PDE8A: variants seen among roughly 807,000 people sequenced by gnomAD.
PDE8A encodes the protein high affinity cAMP-specific and IBMX-insensitive 3',5'-cyclic phosphodiesterase 8A.
A neutral mutation model predicts 105.0 loss-of-function variants in PDE8A; 59 were observed. The observed-to-expected ratio is 0.56, with a 90% CI of 0.46 to 0.70. The LOEUF (loss-of-function observed/expected upper bound fraction) is 0.70. Among genes scored for constraint, PDE8A ranks in the 30% least tolerant of loss-of-function variants. The probability of loss-of-function intolerance (pLI) is 0.00; values close to 1 mark genes in which losing one functional copy is unlikely to be tolerated. For synonymous variants in PDE8A, 355 were observed against 371.9 expected, an observed-to-expected ratio of 0.95 and a Z score of 0.52; for missense variants, 1,014 against 1,045.9, an observed-to-expected ratio of 0.97 and a Z score of 0.42.
At chr15:85,054,119 T>C (rs1346052911) in intron 1 of PDE8A, among the ~76,000 whole-genome samples, 1 of 152,198 alleles carries the variant, frequency 6.6e-6, no homozygotes, top group African/African-American at 2.4e-5. Context: ...CTGGATTACG[T>C]TTATTGGTTT....
intron 1 of PDE8A, among the ~76,000 whole-genome samples, chr15:85,016,764 A>T (rs2080331314): frequency 6.6e-6 from 1 of 152,130 alleles, no homozygotes; most frequent in Non-Finnish European, 1.5e-5. Context: ...CATCATTGTG[A>T]TGTTGTATCT....
intron 1 of PDE8A, among the ~76,000 whole-genome samples, chr15:85,037,084 A>C (rs1375325845): frequency 7.2e-6 from 1 of 138,828 alleles, no homozygotes; most frequent in South Asian, 2.2e-4. Flanking sequence ...TTTTTTTTGG[A>C]GACGGAGTTT....
At chr15:85,037,896 T>G (rs2080733393) in intron 1 of PDE8A, among the ~76,000 whole-genome samples, 1 of 152,362 alleles carries the variant, frequency 6.6e-6, no homozygotes. Flanking sequence ...AGCTTTCTAC[T>G]GTGTAGTAGT....
chr15:85,120,746 T>C (rs2082167785), intron 17 of PDE8A, 51 bp from the exon 18 acceptor site: 1 of 1,125,742 alleles, frequency 8.9e-7, no homozygotes, highest in Non-Finnish European at 1.3e-6. Flanking sequence ...ACAGAAGGCT[T>C]CCTTGCCTTC....
Position 85,138,502 on chromosome 15 carries a change from A to G in PDE8A, c.*599A>G, listed in dbSNP as rs1350864574. ...CAAAAATACTTCAGAGCCAAAGCCA[A>G]CTTCAAATACCGTGACCAAATTTAC... is the stretch of plus-strand genomic sequence containing the variant. On this transcript the variant is annotated 3_prime_UTR_variant, in exon 22 of 22. Coordinates refer to ENST00000394553, the MANE Select transcript of PDE8A (RefSeq NM_002605.3). The G allele has an allele frequency of 1.3e-5, 2 of 152,686 alleles. No homozygotes were observed. The highest frequency in any genetic ancestry group is 4.8e-5 in the African/African-American group (2 of 41,460). 9.5% of individuals were successfully genotyped at this position (152,686 alleles called of 1,614,324 possible). A position where few individuals can be genotyped will look rare whatever the true frequency, so the allele number is the denominator to read the frequency against.
chr15:85,000,481 G>T (rs1354609909), intron 1 of PDE8A, among the ~76,000 whole-genome samples: 3 of 152,198 alleles, frequency 2.0e-5, no homozygotes, highest in African/African-American at 7.2e-5. Flanking sequence ...TTTTGGTTTA[G>T]GTTCAGTTGT....
chr15:84,987,409 G>A lies in PDE8A; in HGVS notation c.186+5061G>A, dbSNP rs566079401. Among the ~76,000 whole-genome samples, 38 of 148,994 alleles carry A rather than the reference G, an allele frequency of 2.6e-4. No individual in the cohort carries two copies. The South Asian group carries it at 7.0e-3, about 27-fold the overall frequency. ...GTCCCTTCTGGCGCAAATGTTTCCT[G>A]TGAAGTGGCTTATGACTGGTTTTCC... On this transcript the variant is annotated intron_variant, in intron 1 of 21. Coordinates refer to ENST00000394553, the MANE Select transcript of PDE8A (RefSeq NM_002605.3).
chr15:85,118,768 T>C (rs938571015), intron 17 of PDE8A, among the ~76,000 whole-genome samples: 1 of 152,192 alleles, frequency 6.6e-6, no homozygotes, highest in African/African-American at 2.4e-5. Context: ...ATGACTGCAG[T>C]CATGCAGGGC....
chr15:84,983,167 A>G (rs2079747820), intron 1 of PDE8A, among the ~76,000 whole-genome samples: 1 of 152,166 alleles, frequency 6.6e-6, no homozygotes, highest in African/African-American at 2.4e-5. Context: ...AAAAAGAAAA[A>G]CGTGATCATT....
At chr15:85,098,185 G>C in intron 9 of PDE8A, 149 bp downstream of exon 9, 1 of 646,464 alleles carries the variant, frequency 1.5e-6, no homozygotes. Context: ...TGTTTTCTTG[G>C]TGACTTCCTC....
At chr15:85,123,843 C>T (rs759822762) in intron 19 of PDE8A, among the ~76,000 whole-genome samples, 10 of 152,154 alleles carry the variant, frequency 6.6e-5, no homozygotes, top group Non-Finnish European at 1.3e-4. Flanking sequence ...AAAAAATTAG[C>T]ACATCCAACT....
rs752580676 is a variant in PDE8A at position 85,099,980 on chromosome 15, C to A, written c.942-35C>A. On this transcript the variant is annotated intron_variant, in intron 9 of 21. Coordinates refer to ENST00000394553, the MANE Select transcript of PDE8A (RefSeq NM_002605.3). ...CGACATATCCATCAAATTAGAGACT[C>A]AGAAGAGAAATAATGCATTGTTTTT... The A allele has an allele frequency of 1.9e-6, 3 of 1,551,012 alleles. No individual in the cohort carries two copies. In the South Asian group the frequency reaches 3.5e-5, roughly 18 times the overall value.
intron 6 of PDE8A, among the ~76,000 whole-genome samples, chr15:85,086,607 G>T (rs1480933088): frequency 6.6e-6 from 1 of 151,912 alleles, no homozygotes; most frequent in Non-Finnish European, 1.5e-5. Context: ...ACATGCAAAT[G>T]ATTTAACATT....
chr15:84,995,961 A>T (rs2079968809), intron 1 of PDE8A, among the ~76,000 whole-genome samples: 1 of 150,810 alleles, frequency 6.6e-6, no homozygotes, highest in South Asian at 2.1e-4. Flanking sequence ...ATTATTTGTT[A>T]CTCTTTATTT....
intron 1 of PDE8A, among the ~76,000 whole-genome samples, chr15:85,056,214 C>T (rs1230605362): frequency 3.9e-5 from 6 of 152,044 alleles, no homozygotes; most frequent in South Asian, 2.1e-4. Context: ...GTGGGTAACC[C>T]GACCTTTCTC....
At chr15:85,000,640 C>T (rs1192494224) in intron 1 of PDE8A, among the ~76,000 whole-genome samples, 2 of 152,126 alleles carry the variant, frequency 1.3e-5, no homozygotes, top group African/African-American at 4.8e-5. Context: ...GTGTACCTGT[C>T]CCATAGCTAG....
intron 1 of PDE8A, among the ~76,000 whole-genome samples, chr15:85,002,116 G>A (rs962990776): frequency 2.6e-5 from 4 of 151,992 alleles, no homozygotes; most frequent in Admixed American, 6.6e-5. Context: ...CACCAGCTTG[G>A]GTGCCCTAAA....
intron 19 of PDE8A, among the ~76,000 whole-genome samples, chr15:85,125,668 G>A (rs2082247637): frequency 6.6e-6 from 1 of 152,176 alleles, no homozygotes; most frequent in Non-Finnish European, 1.5e-5. Flanking sequence ...GAGAATGACT[G>A]TTAAGTCCTT....
At chr15:85,047,423 C>T (rs1238687847) in intron 1 of PDE8A, among the ~76,000 whole-genome samples, 4 of 152,018 alleles carry the variant, frequency 2.6e-5, no homozygotes, top group East Asian at 1.9e-4. Context: ...AGTAGTTGTC[C>T]GGCTGTTAGG....
Sources: gnomAD v4.1 joint callset for allele counts (sites outside exome capture counted in the v4.1 genomes callset) on GRCh38, gnomAD v4.1.1 for gene constraint, MANE v1.5 for transcripts, NCBI Gene and HGNC (gene_info 2026-07-23, HGNC 2026-07-21) for gene names.